ARL5B: variants seen among roughly 807,000 people sequenced by gnomAD.
The protein encoded by ARL5B is ADP-ribosylation factor-like protein 5B.
In ARL5B, 10 loss-of-function variants were observed where a neutral mutation model predicts 26.9. The observed-to-expected ratio is 0.37, with a 90% CI of 0.23 to 0.63. ARL5B has a LOEUF of 0.63. Among genes scored for constraint, ARL5B ranks in the 30% least tolerant of loss-of-function variants. The pLI is 0.62. For synonymous variants in ARL5B, 87 were observed against 70.4 expected (o/e 1.24, Z -1.18); for missense variants, 167 against 213.9 (o/e 0.78, Z 1.37).
chr10:18,668,959 C>T (rs563175731), intron 3 of ARL5B, among the ~76,000 whole-genome samples: 95 of 151,860 alleles, frequency 6.3e-4, no homozygotes, highest in African/African-American at 2.1e-3. Context: ...TAGTAGAGAC[C>T]GGGGTTTCAC....
intron 1 of ARL5B, among the ~76,000 whole-genome samples, chr10:18,662,572 G>A (rs551332433): frequency 1.3e-5 from 2 of 152,154 alleles, no homozygotes; most frequent in East Asian, 3.9e-4. Context: ...TGTTATGTGT[G>A]TTTGATAGCT....
chr10:18,670,494 C>T (rs895377981), intron 3 of ARL5B, among the ~76,000 whole-genome samples: 1 of 152,092 alleles, frequency 6.6e-6, no homozygotes, highest in Non-Finnish European at 1.5e-5. Flanking sequence ...GCCTGTAGTC[C>T]CAGCTACTCC....
At chr10:18,669,167 C>T (rs1233458429) in intron 3 of ARL5B, among the ~76,000 whole-genome samples, 3 of 151,760 alleles carry the variant, frequency 2.0e-5, no homozygotes, top group Admixed American at 6.6e-5. Context: ...TTTGGGTTTT[C>T]GAATAAAAGA....
In ARL5B at chr10:18,678,425, C is replaced by T. The variant is rs568935433; in HGVS notation, c.*3209C>T. On this transcript the variant is annotated 3_prime_UTR_variant, in exon 6 of 6. Transcript: ENST00000377275. ...AGTATGGAAACAGTGATAGGCAGTG[C>T]TGTAAACAATATTCTCTGAAAAGTT... 2 of 151,870 alleles carry T rather than the reference C, an allele frequency of 1.3e-5. No individual in the cohort carries two copies. Among genetic ancestry groups the T allele is most frequent in the African/African-American group, 2.4e-5 (1 of 41,510 alleles). The allele number at this position is 151,870 out of a possible 1,614,324, so 9.4% of individuals were successfully genotyped here.
At chr10:18,661,098 C>T (rs915910191) in intron 1 of ARL5B, among the ~76,000 whole-genome samples, 1 of 152,208 alleles carries the variant, frequency 6.6e-6, no homozygotes, top group African/African-American at 2.4e-5. Flanking sequence ...ATCTACCCAC[C>T]TCGGCCTCCC....
chr10:18,663,901 A>C (rs544194627), intron 1 of ARL5B, among the ~76,000 whole-genome samples: 4 of 151,154 alleles, frequency 2.6e-5, no homozygotes, highest in Admixed American at 6.6e-5. Context: ...AACACACTAA[A>C]CTTAAACTTA....
At chr10:18,672,552 T>C in intron 3 of ARL5B, 70 bp from the exon 4 acceptor site, 1 of 1,061,018 alleles carries the variant, frequency 9.4e-7, no homozygotes, top group South Asian at 1.3e-5. Flanking sequence ...TTAGATTACT[T>C]GAGTAGTTTT....
rs1207309234 is a variant in ARL5B at position 18,678,205 on chromosome 10, A to G, written c.*2989A>G. ...ATTAAAAGCTGAAGATTAAATATGT[A>G]ATTTTTGCTTTTAGTTTCTTGTGTT... is the stretch of plus-strand genomic sequence containing the variant. On this transcript the variant is annotated 3_prime_UTR_variant, in exon 6 of 6. Transcript: ENST00000377275. The G allele has an allele frequency of 2.0e-5, 3 of 151,878 alleles. No homozygotes were observed. The highest frequency in any genetic ancestry group is 1.9e-4 in the East Asian group (1 of 5,182). The allele number at this position is 151,878 out of a possible 1,614,324, so 9.4% of individuals were successfully genotyped here.
rs556833205 is a variant in ARL5B at position 18,672,175 on chromosome 10, A to G, written c.256-447A>G. On this transcript the variant is annotated intron_variant, in intron 3 of 5. Coordinates refer to ENST00000377275, the MANE Select transcript of ARL5B (RefSeq NM_178815.5). ...TGCATTTATCTTTTTCTTTCAAACT[A>G]GCTTTTCTTTCTAAGAGTTAGGAGA... Among the ~76,000 whole-genome samples the G allele has an allele frequency of 3.9e-5, 6 of 152,306 alleles. No homozygotes were observed. In the East Asian group the frequency reaches 1.2e-3, roughly 29 times the overall value.
At chr10:18,674,360 A>C (rs2059901366) in intron 5 of ARL5B, among the ~76,000 whole-genome samples, 1 of 152,234 alleles carries the variant, frequency 6.6e-6, no homozygotes, top group African/African-American at 2.4e-5. Flanking sequence ...CCAAAAAGCA[A>C]TAAACTATTG....
chr10:18,673,862 T>C, intron 4 of ARL5B, 122 bp from the exon 5 acceptor site: 1 of 780,038 alleles, frequency 1.3e-6, no homozygotes, highest in East Asian at 3.3e-5. Context: ...TTTGAGATTA[T>C]TTTTATGTTA....
At chr10:18,668,729 TAGAA>T in intron 3 of ARL5B, 52 bp downstream of exon 3, 1 of 1,567,978 alleles carries the variant, frequency 6.4e-7, no homozygotes. Flanking sequence ...AGAGTAAACA[TAGAA>T]AGTAATTAGG....
rs2059865700 is a variant in ARL5B, at chr10:18,667,322, A to G, written c.107+687A>G. On this transcript the variant is annotated intron_variant, in intron 2 of 5. Coordinates refer to ENST00000377275, the MANE Select transcript of ARL5B (RefSeq NM_178815.5). ...ATTAGAAGACAGCCATCAGCTCACC[A>G]GAAGTACTTCATTAGCCAGTGATTA... Among the ~76,000 whole-genome samples the G allele has an allele frequency of 2.6e-5, 4 of 152,180 alleles. No homozygotes were observed. In the South Asian group the frequency reaches 8.3e-4, roughly 32 times the overall value.
chr10:18,664,907 G>A (rs533283185), intron 1 of ARL5B, among the ~76,000 whole-genome samples: 1 of 152,270 alleles, frequency 6.6e-6, no homozygotes, highest in East Asian at 1.9e-4. Flanking sequence ...GTCTTCATTT[G>A]AGTTGCTTCA....
rs190978302 is a variant in ARL5B, at chr10:18,681,115, G to A, written c.*5899G>A. ...GTCAACTGGAAGATGGTATTAATAA[G>A]GTCAGAATTAGGAATTGGATTGCTC... On this transcript the variant is annotated 3_prime_UTR_variant, in exon 6 of 6. Transcript: ENST00000377275. The A allele has an allele frequency of 6.6e-6, 1 of 152,160 alleles. No homozygotes were observed. Among genetic ancestry groups the A allele is most frequent in the Admixed American group, 6.6e-5 (1 of 15,264 alleles). The allele number at this position is 152,160 out of a possible 1,614,324, so 9.4% of individuals were successfully genotyped here.
rs2059922048 is a variant in ARL5B at position 18,679,021 on chromosome 10, T to A, written c.*3805T>A. 6.6e-6 allele frequency: 1 copy of A among 151,918 alleles called. No individual in the cohort carries two copies. Among genetic ancestry groups the A allele is most frequent in the African/African-American group, 2.4e-5 (1 of 41,414 alleles). The allele number at this position is 151,918 out of a possible 1,614,324, so 9.4% of individuals were successfully genotyped here. A position where few individuals can be genotyped will look rare whatever the true frequency, so the allele number is the denominator to read the frequency against. ...CCCTCAAATAGTAGGGCAATACAGG[T>A]AATATGAAATTAAATGTATTTTTAT... On this transcript the variant is annotated 3_prime_UTR_variant, in exon 6 of 6. Coordinates refer to ENST00000377275, the MANE Select transcript of ARL5B (RefSeq NM_178815.5).
At position 18,676,428 on chromosome 10, in the gene ARL5B, A is replaced by G. The variant is rs1376059488; in HGVS notation, c.*1212A>G. ...ATTCTTAACAACTTAAAATTAAAAA[A>G]AGTCATAATCTATCAAAAGTTTATT... On this transcript the variant is annotated 3_prime_UTR_variant, in exon 6 of 6. Transcript: ENST00000377275. The G allele has an allele frequency of 6.6e-6, 1 of 152,038 alleles. No individual in the cohort carries two copies. The highest frequency in any genetic ancestry group is 1.5e-5 in the Non-Finnish European group (1 of 67,886). The allele number at this position is 152,038 out of a possible 1,614,324, so 9.4% of individuals were successfully genotyped here.
At chr10:18,667,863 C>G (rs976151774) in intron 2 of ARL5B, among the ~76,000 whole-genome samples, 1 of 152,034 alleles carries the variant, frequency 6.6e-6, no homozygotes, top group Non-Finnish European at 1.5e-5. Context: ...TACAAGCGCC[C>G]ACCACCACGC....
chr10:18,660,245 C>G (rs2059824577), intron 1 of ARL5B, among the ~76,000 whole-genome samples: 1 of 151,840 alleles, frequency 6.6e-6, no homozygotes, highest in Admixed American at 6.6e-5. Flanking sequence ...GCATTTAGTT[C>G]AGAAACTAAA....
Sources: allele counts gnomAD v4.1 joint callset (sites outside exome capture counted in the v4.1 genomes callset), GRCh38; gene constraint gnomAD v4.1.1; transcripts MANE v1.5; gene names NCBI Gene and HGNC (gene_info 2026-07-23, HGNC 2026-07-21).